DLGAP1: variants seen among roughly 807,000 people sequenced by gnomAD.
The protein encoded by DLGAP1 is disks large-associated protein 1.
In DLGAP1, 11 loss-of-function variants were observed where a neutral mutation model predicts 90.8. That is an observed-to-expected ratio of 0.12 (90% CI 0.08 to 0.20). The LOEUF is 0.20. DLGAP1 is among the 10% of genes least tolerant of loss of function. DLGAP1 has a pLI of 1.00. For synonymous variants in DLGAP1, 558 were observed against 540.7 expected (o/e 1.03, Z -0.44); for missense variants, 1,050 against 1,333.8 (o/e 0.79, Z 3.31).
chr18:4,395,386 G>A (rs2082418865), intron 1 of DLGAP1, among the ~76,000 whole-genome samples: 1 of 152,046 alleles, frequency 6.6e-6, no homozygotes, highest in Non-Finnish European at 1.5e-5. Context: ...TCAAATAGGG[G>A]GTATAAAGTA....
chr18:4,247,649 C>T (rs527626365), intron 1 of DLGAP1, among the ~76,000 whole-genome samples: 8 of 152,100 alleles, frequency 5.3e-5, no homozygotes, highest in Middle Eastern at 3.4e-3. Flanking sequence ...TGGTGGCAGG[C>T]GCCTGTAATC....
chr18:4,122,748 T>A (rs1425142264), intron 2 of DLGAP1, among the ~76,000 whole-genome samples: 10 of 152,170 alleles, frequency 6.6e-5, no homozygotes, highest in African/African-American at 2.2e-4. Flanking sequence ...GGAGACATCC[T>A]AAGGTTGTAA....
chr18:4,042,868 T>C (rs1440149054), intron 2 of DLGAP1, among the ~76,000 whole-genome samples: 5 of 152,242 alleles, frequency 3.3e-5, no homozygotes, highest in African/African-American at 4.8e-5. Context: ...CAAAAGATCA[T>C]CATTTTGGCT....
intron 7 of DLGAP1, among the ~76,000 whole-genome samples, chr18:3,600,879 T>G (rs1473166834): frequency 2.0e-5 from 1 of 49,668 alleles, no homozygotes; most frequent in African/African-American, 7.8e-5. Context: ...TATAGATATA[T>G]AGATAGATAT....
chr18:3,563,809 G>A (rs986073321), intron 9 of DLGAP1, among the ~76,000 whole-genome samples: 1 of 152,070 alleles, frequency 6.6e-6, no homozygotes, highest in African/African-American at 2.4e-5. Flanking sequence ...TTGCTTTTCA[G>A]TTTTGGAAGT....
intron 1 of DLGAP1, among the ~76,000 whole-genome samples, chr18:4,168,507 A>G (rs1265823505): frequency 1.3e-5 from 2 of 152,092 alleles, no homozygotes; most frequent in African/African-American, 2.4e-5. Flanking sequence ...CAGCTTTTTC[A>G]CCTTCCCAAA....
At chr18:4,339,417 C>T (rs2081141740) in intron 1 of DLGAP1, among the ~76,000 whole-genome samples, 1 of 152,114 alleles carries the variant, frequency 6.6e-6, no homozygotes, top group Non-Finnish European at 1.5e-5. Flanking sequence ...CTGCAAACCA[C>T]CATGCACATG....
intron 1 of DLGAP1, among the ~76,000 whole-genome samples, chr18:4,356,519 T>C (rs181509373): frequency 2.6e-5 from 4 of 152,326 alleles, no homozygotes; most frequent in Admixed American, 6.5e-5. Flanking sequence ...ATTGGTGTCA[T>C]GAATTTCTCC....
intron 1 of DLGAP1, among the ~76,000 whole-genome samples, chr18:4,163,050 T>C (rs1015857389): frequency 2.0e-5 from 3 of 152,114 alleles, no homozygotes; most frequent in East Asian, 1.9e-4. Context: ...TGATATTCTG[T>C]CCCCATTGTA....
chr18:3,702,726 C>G (rs920837300), intron 7 of DLGAP1, among the ~76,000 whole-genome samples: 4 of 152,186 alleles, frequency 2.6e-5, no homozygotes, highest in Admixed American at 1.3e-4. Context: ...GGGCTCAGAT[C>G]TGGAAGGAGA....
chr18:3,656,303 C>A (rs2059480963), intron 7 of DLGAP1: 1 of 492,760 alleles, frequency 2.0e-6, no homozygotes. Context: ...TGGATGTCTT[C>A]TTTTCCCCCA....
intron 1 of DLGAP1, among the ~76,000 whole-genome samples, chr18:4,195,618 C>T (rs2077482561): frequency 1.3e-5 from 2 of 152,078 alleles, no homozygotes; most frequent in African/African-American, 4.8e-5. Flanking sequence ...ATGGCACGAT[C>T]TCAGCTCACA....
chr18:3,937,855 A>C (rs1413638248), intron 3 of DLGAP1, among the ~76,000 whole-genome samples: 3 of 152,200 alleles, frequency 2.0e-5, no homozygotes, highest in Non-Finnish European at 4.4e-5. Flanking sequence ...CGTTCATTCC[A>C]ATCTGGCTAT....
chr18:4,354,535 C>T (rs964328407), intron 1 of DLGAP1, among the ~76,000 whole-genome samples: 2 of 152,210 alleles, frequency 1.3e-5, no homozygotes, highest in East Asian at 1.9e-4. Flanking sequence ...TAAGTCTTTG[C>T]CTCTTCATTT....
intron 3 of DLGAP1, among the ~76,000 whole-genome samples, chr18:3,982,150 T>C (rs1256728577): frequency 6.6e-6 from 1 of 152,114 alleles, no homozygotes; most frequent in Non-Finnish European, 1.5e-5. Flanking sequence ...ACTTCTCCAG[T>C]TTGTAGTCTT....
chr18:4,235,614 T>C (rs1169511927), intron 1 of DLGAP1, among the ~76,000 whole-genome samples: 2 of 152,238 alleles, frequency 1.3e-5, no homozygotes, highest in East Asian at 3.9e-4. Context: ...TTTCTCTTAT[T>C]TGATTGAAAA....
chr18:3,761,854 G>A (rs1568088189), intron 5 of DLGAP1, among the ~76,000 whole-genome samples: 1 of 152,172 alleles, frequency 6.6e-6, no homozygotes, highest in Non-Finnish European at 1.5e-5. Flanking sequence ...GATTACAGGC[G>A]TGAGCCACAG....
In DLGAP1 at chr18:4,329,276, A is replaced by G. The variant is rs932853809; in HGVS notation, c.-267+125730T>C. Among the ~76,000 whole-genome samples, 3 of 152,084 alleles carry G rather than the reference A, an allele frequency of 2.0e-5. No homozygotes were observed. In the East Asian group the frequency reaches 5.8e-4, roughly 29 times the overall value. On this transcript the variant is annotated intron_variant, in intron 1 of 12. Coordinates refer to ENST00000315677, the MANE Select transcript of DLGAP1 (RefSeq NM_004746.4). ...TTTTTGAAAAAACGAAGATTTCTAC[A>G]TTGAATTACCCTGGGTCCTTTGTTA... is the stretch of plus-strand genomic sequence containing the variant.
chr18:3,748,853 C>CAGT (rs2063378542), intron 5 of DLGAP1, among the ~76,000 whole-genome samples: 1 of 152,168 alleles, frequency 6.6e-6, no homozygotes, highest in Non-Finnish European at 1.5e-5. Flanking sequence ...CCTTTCTTTT[C>CAGT]AGTAACCTTA....
Sources: gnomAD v4.1 joint callset for allele counts (sites outside exome capture counted in the v4.1 genomes callset) on GRCh38, gnomAD v4.1.1 for gene constraint, MANE v1.5 for transcripts, NCBI Gene and HGNC (gene_info 2026-07-23, HGNC 2026-07-21) for gene names.